The following HLA-DQB2 variants were observed in gnomAD, a reference collection of about 807,000 sequenced individuals.
HLA-DQB2 encodes the protein HLA class II histocompatibility antigen, DQ beta 2 chain.
Under a neutral mutation model 29.2 loss-of-function variants are expected in HLA-DQB2, and 24 were observed. The observed-to-expected ratio is 0.82, with a 90% CI of 0.60 to 1.16. The LOEUF is 1.16. HLA-DQB2 is among the 50% of genes most tolerant of loss of function. The probability of loss-of-function intolerance (pLI) is 0.00; values close to 1 mark genes in which losing one functional copy is unlikely to be tolerated. For missense variants in HLA-DQB2, 273 were observed against 343.6 expected (o/e 0.79, Z 1.62); for synonymous variants, 104 against 133.1 (o/e 0.78, Z 1.51).
Position 32,761,762 on chromosome 6 carries a change from A to G in HLA-DQB2, c.262T>C (p.Trp88Arg). Reference protein sequence around the residue: ...VTELGRSIEDWNNYKDFLEQE... With the variant: ...VTELGRSIEDRNNYKDFLEQE... The stretch of plus-strand genomic sequence containing the variant: ...TCCAAGAAGTCCTTATAGTTGTTCC[A>G]GTCCTCGATGCTCCGCCCCAGCTCG... Residue 88 changes from tryptophan to arginine, a missense_variant, in exon 2 of 6, where the codon TGG (tryptophan) becomes CGG (arginine). Coordinates refer to ENST00000437316, the MANE Select transcript of HLA-DQB2 (RefSeq NM_001300790.2). 1 of 1,568,706 alleles carries G rather than the reference A, an allele frequency of 6.4e-7. No individual in the cohort carries two copies. The highest frequency in any genetic ancestry group is 8.6e-7 in the Non-Finnish European group (1 of 1,157,036).
rs1194916183 is a variant in HLA-DQB2 at position 32,757,644 on chromosome 6, A to G, written c.757+129T>C. On this transcript the variant is annotated intron_variant, in intron 4 of 5. Coordinates refer to ENST00000437316, the MANE Select transcript of HLA-DQB2 (RefSeq NM_001300790.2). ...AAATCAGATTCCAATGCCTCCTCCAATCTTGTCCTGTCTCCTCGCACTTCC... is the reference window on the plus strand; with the variant it reads ...AAATCAGATTCCAATGCCTCCTCCAGTCTTGTCCTGTCTCCTCGCACTTCC... 7.9e-6 allele frequency: 6 copies of G among 760,188 alleles called. 1 individual carries two copies. Among genetic ancestry groups the G allele is most frequent in the African/African-American group, 7.0e-5 (4 of 56,912 alleles). The allele number at this position is 760,188 out of a possible 1,614,324, so 47.1% of individuals were successfully genotyped here.
intron 2 of HLA-DQB2, among the ~76,000 whole-genome samples, chr6:32,759,773 C>T (rs117548357): frequency 0.16 from 16,654 of 105,690 alleles, 1 homozygote; most frequent in Middle Eastern, 0.23. Context: ...TTATCATGTA[C>T]GTTCTCCATA....
chr6:32,756,824 C>A, intron 5 of HLA-DQB2: 5 of 1,201,904 alleles, frequency 4.2e-6, no homozygotes, highest in Non-Finnish European at 5.2e-6. Context: ...TGGGCATCAC[C>A]CTACTATCTC....
At chr6:32,759,747 G>A (rs72500554) in intron 2 of HLA-DQB2, among the ~76,000 whole-genome samples, 1 of 150,538 alleles carries the variant, frequency 6.6e-6, no homozygotes, top group African/African-American at 2.4e-5. Flanking sequence ...TTACTTTCTT[G>A]TTCTGAAATC....
At chr6:32,761,566 C>G in intron 2 of HLA-DQB2, 94 bp downstream of exon 2, 1 of 1,371,174 alleles carries the variant, frequency 7.3e-7, no homozygotes, top group Non-Finnish European at 9.8e-7. Flanking sequence ...GATCAGGGCT[C>G]GGTCCTTGAG....
chr6:32,757,068 G>A, intron 5 of HLA-DQB2: 1 of 1,410,130 alleles, frequency 7.1e-7, no homozygotes, highest in Non-Finnish European at 9.2e-7. Flanking sequence ...CGCCCAGACT[G>A]GAGTGCAGTG....
rs1582380022 is a variant in HLA-DQB2, at chr6:32,757,320, A to G, written c.758-16T>C. 1 of 1,529,894 alleles carries G rather than the reference A, an allele frequency of 6.5e-7. No individual in the cohort carries two copies. 94.8% of individuals were successfully genotyped at this position (1,529,894 alleles called of 1,614,324 possible). ...CCTCGAGGTCCTACAAAAGGAAGTT[A>G]TACAGAGAAAGGTCTTGTTAAACAA... On this transcript the variant is annotated splice_polypyrimidine_tract_variant and intron_variant, in intron 4 of 5. Transcript: ENST00000437316.
At chr6:32,759,191 C>A (rs985801529) in intron 2 of HLA-DQB2, 60 bp from the exon 3 acceptor site, 4 of 1,501,662 alleles carry the variant, frequency 2.7e-6, no homozygotes, top group African/African-American at 1.5e-5. Flanking sequence ...ACACAGCACG[C>A]CTGCTGTGAG....
intron 4 of HLA-DQB2, among the ~76,000 whole-genome samples, chr6:32,757,545 C>T (rs981700297): frequency 1.3e-4 from 18 of 138,764 alleles, no homozygotes; most frequent in African/African-American, 2.8e-4. Flanking sequence ...GCCAGTGAGA[C>T]GATGATGAAC....
chr6:32,757,413 C>G, intron 4 of HLA-DQB2, 109 bp from the exon 5 acceptor site: 1 of 779,722 alleles, frequency 1.3e-6, no homozygotes, highest in Non-Finnish European at 2.1e-6. Context: ...CCTCTTCCCT[C>G]CCATGTTCTT....
chr6:32,757,189 T>A (rs1163445110), intron 5 of HLA-DQB2, 92 bp downstream of exon 5: 3 of 1,539,600 alleles, frequency 1.9e-6, no homozygotes, highest in Non-Finnish European at 2.6e-6. Context: ...CCAGCTAATT[T>A]TTGTATTTTT....
chr6:32,757,229 C>T (rs868699521), intron 5 of HLA-DQB2, 52 bp downstream of exon 5: 3 of 1,549,830 alleles, frequency 1.9e-6, no homozygotes, highest in South Asian at 2.4e-5. Context: ...CATGGCTCTT[C>T]CCTCTTATGC....
chr6:32,762,052 T>G, intron 1 of HLA-DQB2, 126 bp from the exon 2 acceptor site: 1 of 1,286,056 alleles, frequency 7.8e-7, no homozygotes, highest in Non-Finnish European at 1.1e-6. Flanking sequence ...CACGCGAAAT[T>G]GAGTTCTTGG....
At chr6:32,760,218 A>G (rs1470120751) in intron 2 of HLA-DQB2, among the ~76,000 whole-genome samples, 1 of 152,278 alleles carries the variant, frequency 6.6e-6, no homozygotes, top group Non-Finnish European at 1.5e-5. Flanking sequence ...GGATTGATTA[A>G]TCAGTGAATT....
chr6:32,757,976 A>G (rs1433784073), intron 3 of HLA-DQB2, 93 bp from the exon 4 acceptor site: 1 of 1,189,454 alleles, frequency 8.4e-7, no homozygotes, highest in African/African-American at 1.5e-5. Context: ...CTAGTTCTCC[A>G]GTCTGACCAC....
chr6:32,759,652 CCTG>C (rs1333101164), intron 2 of HLA-DQB2, among the ~76,000 whole-genome samples: 1 of 130,726 alleles, frequency 7.6e-6, no homozygotes, highest in East Asian at 2.0e-4. Flanking sequence ...CTCTCATTTT[CCTG>C]CTTTTTCTTA....
At chr6:32,756,677 C>A (rs1764288042) in intron 5 of HLA-DQB2, 15 of 1,358,996 alleles carry the variant, frequency 1.1e-5, no homozygotes, top group Non-Finnish European at 1.4e-5. Flanking sequence ...GGTGGGGGAA[C>A]AGCAGTTACC....
At chr6:32,757,682 G>T in intron 4 of HLA-DQB2, 91 bp downstream of exon 4, 1 of 1,126,438 alleles carries the variant, frequency 8.9e-7, no homozygotes, top group Non-Finnish European at 1.3e-6. Context: ...TCAGGGTAAG[G>T]AGGAAAGAGC....
intron 1 of HLA-DQB2, among the ~76,000 whole-genome samples, chr6:32,762,719 A>G (rs980614098): frequency 1.3e-5 from 2 of 152,178 alleles, no homozygotes; most frequent in Non-Finnish European, 2.9e-5. Flanking sequence ...GATTTATAGA[A>G]AGTACTGTCC....
Sources: gnomAD v4.1 joint callset for allele counts (sites outside exome capture counted in the v4.1 genomes callset) on GRCh38, gnomAD v4.1.1 for gene constraint, MANE v1.5 for transcripts, NCBI Gene and HGNC (gene_info 2026-07-23, HGNC 2026-07-21) for gene names.